The following FDXR variants were observed in gnomAD, a reference collection of about 807,000 sequenced individuals.
FDXR encodes NADPH:adrenodoxin oxidoreductase, mitochondrial.
A neutral mutation model predicts 58.3 loss-of-function variants in FDXR; 38 were observed. The observed-to-expected ratio is 0.65, with a 90% CI of 0.50 to 0.85. The LOEUF is 0.85. Among genes scored for constraint, FDXR ranks in the 40% least tolerant of loss-of-function variants. The pLI is 0.00. For missense variants in FDXR, 624 were observed against 671.0 expected, an observed-to-expected ratio of 0.93 and a Z score of 0.77; for synonymous variants, 275 against 273.8, an observed-to-expected ratio of 1.00 and a Z score of -0.04.
rs2038125684 is a variant in FDXR, at chr17:74,865,032, G to A, written c.610-101C>T. ...ACCGTGGGCCTGGAGAAGGCTGGCG[G>A]CTCAAAATTGCGCCACTGCTCCCCC... On this transcript the variant is annotated intron_variant, in intron 6 of 11. Transcript: ENST00000293195. The A allele has an allele frequency of 2.6e-6, 4 of 1,548,504 alleles. No individual in the cohort carries two copies. The South Asian group carries it at 4.6e-5, about 18-fold the overall frequency.
Position 74,862,800 on chromosome 17 carries a change from C to T in FDXR, c.*17G>A, listed in dbSNP as rs761138033. The T allele has an allele frequency of 1.9e-6, 3 of 1,599,786 alleles. No homozygotes were observed. The highest frequency in any genetic ancestry group is 1.7e-6 in the Non-Finnish European group (2 of 1,175,600). On this transcript the variant is annotated 3_prime_UTR_variant, in exon 12 of 12. Transcript: ENST00000293195. ...CACTCATCCCTTCCCTGCTGGGGGCCGGGGCTGGGGCTGGGCTCAGTGGCC... is the reference window on the plus strand; with the variant it reads ...CACTCATCCCTTCCCTGCTGGGGGCTGGGGCTGGGGCTGGGCTCAGTGGCC...
At chr17:74,869,881 C>A in intron 2 of FDXR, 4 of 431,174 alleles carry the variant, frequency 9.3e-6, no homozygotes, top group Non-Finnish European at 1.9e-5. Context: ...TGCCTTCGCT[C>A]AGATCCCAGT....
chr17:74,869,808 A>G (rs1013872006), intron 2 of FDXR: 7 of 372,958 alleles, frequency 1.9e-5, no homozygotes, highest in Non-Finnish European at 4.1e-5. Flanking sequence ...GCCTGCGCCC[A>G]GAACATGTTA....
intron 1 of FDXR, 120 bp from the exon 2 acceptor site, chr17:74,872,253 C>T (rs1299449317): frequency 4.5e-6 from 7 of 1,541,380 alleles, no homozygotes; most frequent in Non-Finnish European, 6.1e-6. Flanking sequence ...CTGCATCCTC[C>T]TTCTCTTGTT....
intron 7 of FDXR, 94 bp from the exon 8 acceptor site, chr17:74,864,658 C>T (rs2038105071): frequency 1.4e-6 from 2 of 1,407,224 alleles, no homozygotes; most frequent in African/African-American, 1.4e-5. Flanking sequence ...CAGGAGAGAC[C>T]ACCACCCGCC....
chr17:74,864,650 G>A, intron 7 of FDXR, 86 bp from the exon 8 acceptor site: 2 of 1,448,480 alleles, frequency 1.4e-6, no homozygotes, highest in Non-Finnish European at 1.9e-6. Context: ...AGCCCAGGCA[G>A]GAGAGACCAC....
chr17:74,869,556 G>A (rs1366640257), intron 2 of FDXR, among the ~76,000 whole-genome samples: 1 of 152,066 alleles, frequency 6.6e-6, no homozygotes. Context: ...AGTTCTCTGT[G>A]CCTGGGACAC....
At chr17:74,869,145 C>T (rs752906733) in intron 2 of FDXR, among the ~76,000 whole-genome samples, 16 of 152,316 alleles carry the variant, frequency 1.1e-4, no homozygotes, top group South Asian at 2.1e-4. Flanking sequence ...CCTGGACCTA[C>T]GCTGCAGGCA....
chr17:74,869,060 A>T (rs2038287640), intron 2 of FDXR, among the ~76,000 whole-genome samples: 2 of 151,878 alleles, frequency 1.3e-5, no homozygotes. Context: ...TGATCCCATC[A>T]ATCCCCCATC....
chr17:74,865,985 C>G (rs573101553), intron 5 of FDXR, 146 bp downstream of exon 5: 7 of 833,746 alleles, frequency 8.4e-6, no homozygotes, highest in African/African-American at 1.7e-5. Context: ...AGCTCTCCCC[C>G]GAGGCCCTCC....
At chr17:74,870,739 G>A (rs1364074906) in intron 2 of FDXR, among the ~76,000 whole-genome samples, 2 of 151,356 alleles carry the variant, frequency 1.3e-5, no homozygotes, top group South Asian at 2.1e-4. Context: ...CCCCACATGT[G>A]GGAGGCCCTC....
intron 6 of FDXR, among the ~76,000 whole-genome samples, 188 bp from the exon 7 acceptor site, chr17:74,865,119 G>A (rs1382726943): frequency 6.6e-6 from 1 of 152,154 alleles, no homozygotes; most frequent in African/African-American, 2.4e-5. Flanking sequence ...TAGCACACCA[G>A]GCCCACACTT....
In FDXR at chr17:74,862,544, C is replaced by A; in HGVS notation, c.*273G>T. 1 of 389,222 alleles carries A rather than the reference C, an allele frequency of 2.6e-6. No individual in the cohort carries two copies. The highest frequency in any genetic ancestry group is 4.6e-6 in the Non-Finnish European group (1 of 218,406). 24.1% of individuals were successfully genotyped at this position (389,222 alleles called of 1,614,324 possible). On this transcript the variant is annotated 3_prime_UTR_variant, in exon 12 of 12. Coordinates refer to ENST00000293195, the MANE Select transcript of FDXR (RefSeq NM_024417.5). ...TCCAGCATGTTCCCAACCTGGTGACCCTCCACAGTCCAGCAGTAGAGAGAT... is the reference window on the plus strand; with the variant it reads ...TCCAGCATGTTCCCAACCTGGTGACACTCCACAGTCCAGCAGTAGAGAGAT...
At chr17:74,870,276 G>A (rs1194663740) in intron 2 of FDXR, among the ~76,000 whole-genome samples, 1 of 152,112 alleles carries the variant, frequency 6.6e-6, no homozygotes, top group Non-Finnish European at 1.5e-5. Flanking sequence ...CAGGACTTTG[G>A]GAGGCCGAGG....
In FDXR at chr17:74,865,031, G is replaced by A. The variant is rs144522648; in HGVS notation, c.610-100C>T. The A allele has an allele frequency of 3.4e-4, 527 of 1,564,616 alleles. No homozygotes were observed. In the African/African-American group the frequency reaches 6.2e-3, roughly 18 times the overall value. ...CACCGTGGGCCTGGAGAAGGCTGGC[G>A]GCTCAAAATTGCGCCACTGCTCCCC... is the stretch of plus-strand genomic sequence containing the variant. On this transcript the variant is annotated intron_variant, in intron 6 of 11. Coordinates refer to ENST00000293195, the MANE Select transcript of FDXR (RefSeq NM_024417.5).
chr17:74,868,720 C>G, intron 2 of FDXR: 1 of 1,518,398 alleles, frequency 6.6e-7, no homozygotes, highest in Non-Finnish European at 8.8e-7. Context: ...CCTCCTGTCC[C>G]TCTAGCTGCT....
At chr17:74,868,235 G>A (rs375031708) in intron 2 of FDXR, 11 of 514,646 alleles carry the variant, frequency 2.1e-5, no homozygotes, top group East Asian at 1.6e-4. Context: ...CCCACAAAGC[G>A]CTCTGGGCTT....
At chr17:74,867,109 C>T in intron 2 of FDXR, 1 of 767,582 alleles carries the variant, frequency 1.3e-6, no homozygotes, top group Non-Finnish European at 2.0e-6. Flanking sequence ...GAGTTCGAGA[C>T]CAGCCTGACC....
In FDXR at chr17:74,866,963, G is replaced by A. The variant is rs764336851; in HGVS notation, c.178-87C>T. 4.5e-6 allele frequency: 7 copies of A among 1,556,212 alleles called. No homozygotes were observed. In the South Asian group the frequency reaches 7.1e-5, roughly 16 times the overall value. ...TCCTCCCCTTCCCCAGACAGAGCAGGAGAGTTCAGGACCCTGGGCTGAGAA... is the reference window on the plus strand; with the variant it reads ...TCCTCCCCTTCCCCAGACAGAGCAGAAGAGTTCAGGACCCTGGGCTGAGAA... On this transcript the variant is annotated intron_variant, in intron 2 of 11. Coordinates refer to ENST00000293195, the MANE Select transcript of FDXR (RefSeq NM_024417.5).
Sources: allele counts gnomAD v4.1 joint callset (sites outside exome capture counted in the v4.1 genomes callset), GRCh38; gene constraint gnomAD v4.1.1; transcripts MANE v1.5; gene names NCBI Gene and HGNC (gene_info 2026-07-23, HGNC 2026-07-21).